Variants in ZNF385D observed in about 807,000 individuals in gnomAD.
ZNF385D encodes zinc finger protein 385D.
In ZNF385D, 15 loss-of-function variants were observed where a neutral mutation model predicts 35.8. That is an observed-to-expected ratio of 0.42 (90% CI 0.28 to 0.64). ZNF385D has a LOEUF of 0.64. Ranked by LOEUF, ZNF385D falls within the 30% of genes least tolerant of loss-of-function variation. The pLI is 0.23. For synonymous variants in ZNF385D, 212 were observed against 186.8 expected (o/e 1.13, Z -1.10); for missense variants, 474 against 494.6 (o/e 0.96, Z 0.39).
chr3:21,704,986 G>A, intron 1 of ZNF385D, among the ~76,000 whole-genome samples: 1 of 152,110 alleles, frequency 6.6e-6, no homozygotes, highest in Non-Finnish European at 1.5e-5. Context: ...GTAAACTGCA[G>A]AGGCCCAAGT....
At chr3:21,616,083 T>G (rs141047632) in intron 2 of ZNF385D, among the ~76,000 whole-genome samples, 2,301 of 152,114 alleles carry the variant, frequency 0.015, 41 homozygotes, top group Non-Finnish European at 0.02. Flanking sequence ...CTATTAGAAT[T>G]AAGAAAAAAC....
chr3:21,920,733 C>T lies in ZNF385D; in HGVS notation c.325+248084G>A, dbSNP rs185404850. Among the ~76,000 whole-genome samples, 1,134 of 152,044 alleles carry T rather than the reference C, an allele frequency of 7.5e-3. 7 individuals are homozygous for T. The highest frequency in any genetic ancestry group is 0.012 in the Non-Finnish European group (817 of 67,994). The stretch of plus-strand genomic sequence containing the variant: ...ATAATTGATGAAGTTAGGCAACTCT[C>T]CCCACACTGGCGCTCTTAAAACTAA... On this transcript the variant is annotated intron_variant, in intron 3 of 5. Transcript: ENST00000494108.
chr3:22,022,530 A>G (rs1437279128), intron 3 of ZNF385D, among the ~76,000 whole-genome samples: 1 of 152,052 alleles, frequency 6.6e-6, no homozygotes, highest in African/African-American at 2.4e-5. Flanking sequence ...TAGCAAATAT[A>G]CCCCAAAGGA....
chr3:22,358,411 T>G (rs754698000), intron 2 of ZNF385D, among the ~76,000 whole-genome samples: 1 of 151,770 alleles, frequency 6.6e-6, no homozygotes, highest in Non-Finnish European at 1.5e-5. Flanking sequence ...AAATGCAACT[T>G]TGTTCAAAAG....
chr3:21,678,313 G>A (rs2125304331), intron 1 of ZNF385D, among the ~76,000 whole-genome samples: 1 of 152,182 alleles, frequency 6.6e-6, no homozygotes, highest in East Asian at 1.9e-4. Context: ...CAGTAAATGG[G>A]AGACTTTCAT....
intron 3 of ZNF385D, among the ~76,000 whole-genome samples, chr3:22,157,065 C>A (rs1197100390): frequency 2.0e-5 from 3 of 152,104 alleles, no homozygotes; most frequent in African/African-American, 4.8e-5. Context: ...AATCAAGGAG[C>A]AATCCAAGGT....
At chr3:21,575,929 A>C (rs2063484156) in intron 2 of ZNF385D, among the ~76,000 whole-genome samples, 1 of 152,196 alleles carries the variant, frequency 6.6e-6, no homozygotes, top group Non-Finnish European at 1.5e-5. Context: ...AGTATTAACA[A>C]TAGCAGTGGG....
At chr3:21,968,634 T>A (rs1487527782) in intron 3 of ZNF385D, among the ~76,000 whole-genome samples, 1 of 152,124 alleles carries the variant, frequency 6.6e-6, no homozygotes. Flanking sequence ...GAACCCACTG[T>A]CTTGAAGCAA....
In ZNF385D at chr3:21,564,470, G is replaced by A. The variant is rs1318121036; in HGVS notation, c.276+104C>T. 3 of 590,774 alleles carry A rather than the reference G, an allele frequency of 5.1e-6. No individual in the cohort carries two copies. The African/African-American group carries it at 5.8e-5, about 11-fold the overall frequency. 36.6% of individuals were successfully genotyped at this position (590,774 alleles called of 1,614,324 possible). A position where few individuals can be genotyped will look rare whatever the true frequency, so the allele number is the denominator to read the frequency against. On this transcript the variant is annotated intron_variant, in intron 3 of 7. Coordinates refer to ENST00000281523, the MANE Select transcript of ZNF385D (RefSeq NM_024697.3). ...AAATGTTATCTTTGAATTTTGACAT[G>A]CTCAGTTACTGGAGAAAATGTCTTA...
chr3:21,874,262 A>G (rs1171908473), intron 3 of ZNF385D, among the ~76,000 whole-genome samples: 1 of 152,080 alleles, frequency 6.6e-6, no homozygotes, highest in Non-Finnish European at 1.5e-5. Flanking sequence ...GATGTTGAGC[A>G]TCTTTTAATA....
intron 3 of ZNF385D, among the ~76,000 whole-genome samples, chr3:21,964,925 G>A (rs1405093280): frequency 1.3e-5 from 2 of 152,166 alleles, no homozygotes; most frequent in Non-Finnish European, 2.9e-5. Context: ...ACTGAACATA[G>A]GAAGATGCAT....
intron 2 of ZNF385D, among the ~76,000 whole-genome samples, chr3:22,261,288 G>C (rs781295402): frequency 3.3e-5 from 5 of 151,954 alleles, no homozygotes; most frequent in Admixed American, 2.0e-4. Context: ...TAACATTATA[G>C]TTAAAGACTA....
In ZNF385D at chr3:21,751,022, C is replaced by A. The variant is rs2070050744; in HGVS notation, c.-106G>T. ...CATGCTACATTCGGTGGAAATGTCC[C>A]CGGCGTGGAGAGCAGTGAGCGCCGA... On this transcript the variant is annotated 5_prime_UTR_variant, in exon 1 of 8. Transcript: ENST00000281523. The A allele has an allele frequency of 6.3e-7, 1 of 1,599,502 alleles. No homozygotes were observed. Among genetic ancestry groups the A allele is most frequent in the Non-Finnish European group, 8.5e-7 (1 of 1,172,956 alleles).
At chr3:21,908,166 C>A (rs200717737) in intron 3 of ZNF385D, among the ~76,000 whole-genome samples, 1 of 146,610 alleles carries the variant, frequency 6.8e-6, no homozygotes, top group African/African-American at 2.6e-5. Flanking sequence ...ATCTATCTAT[C>A]TATCTATATA....
intron 3 of ZNF385D, among the ~76,000 whole-genome samples, chr3:22,119,965 C>T (rs1216907967): frequency 6.7e-6 from 1 of 150,250 alleles, no homozygotes; most frequent in Non-Finnish European, 1.5e-5. Context: ...CACAGGCATG[C>T]TCCAACATAC....
chr3:21,801,795 T>C (rs186688014), intron 3 of ZNF385D, among the ~76,000 whole-genome samples: 8 of 152,256 alleles, frequency 5.3e-5, no homozygotes, highest in African/African-American at 1.2e-4. Context: ...TCTCTATATT[T>C]AGAGTGCCCG....
intron 3 of ZNF385D, among the ~76,000 whole-genome samples, chr3:22,090,587 G>A (rs1008956192): frequency 3.3e-5 from 5 of 152,126 alleles, no homozygotes; most frequent in Admixed American, 1.3e-4. Context: ...AATATTTAGT[G>A]TAGTCACAGG....
At chr3:21,861,031 A>G (rs1220470676) in intron 3 of ZNF385D, among the ~76,000 whole-genome samples, 1 of 152,126 alleles carries the variant, frequency 6.6e-6, no homozygotes, top group East Asian at 1.9e-4. Flanking sequence ...GCAATACTTA[A>G]AATATACAGC....
rs151285312 is a variant in ZNF385D, at chr3:22,311,440, G to A, written c.106+61010C>T. 9.3e-3 allele frequency among the ~76,000 whole-genome samples: 1,411 copies of A among 151,882 alleles called. 16 individuals carry two copies. The highest frequency in any genetic ancestry group is 0.031 in the African/African-American group (1,292 of 41,434). ...AAATGTGGTTTCATAGTGTGTTTTCGTTCCTAGTACAGCAAGTCTCACTTT... is the reference window on the plus strand; with the variant it reads ...AAATGTGGTTTCATAGTGTGTTTTCATTCCTAGTACAGCAAGTCTCACTTT... On this transcript the variant is annotated intron_variant, in intron 2 of 5. Coordinates refer to the ZNF385D transcript ENST00000494108.
Sources: gnomAD v4.1 joint callset for allele counts (sites outside exome capture counted in the v4.1 genomes callset) on GRCh38, gnomAD v4.1.1 for gene constraint, MANE v1.5 for transcripts, NCBI Gene and HGNC (gene_info 2026-07-23, HGNC 2026-07-21) for gene names.